Variants in APP observed in about 807,000 individuals in gnomAD.
The protein encoded by APP is amyloid-beta precursor protein.
Under a neutral mutation model 101.4 loss-of-function variants are expected in APP, and 31 were observed. That is an observed-to-expected ratio of 0.31 (90% CI 0.23 to 0.41). The LOEUF (loss-of-function observed/expected upper bound fraction) is 0.41, where lower values mean the gene tolerates loss of function less well. Among genes scored for constraint, APP ranks in the 10% least tolerant of loss-of-function variants. APP has a pLI of 1.00. For synonymous variants in APP, 366 were observed against 364.4 expected (o/e 1.00, Z -0.05); for missense variants, 839 against 1,003.7 (o/e 0.84, Z 2.22).
intron 1 of APP, among the ~76,000 whole-genome samples, chr21:26,157,582 C>A (rs111847117): frequency 6.6e-6 from 1 of 152,184 alleles, no homozygotes; most frequent in African/African-American, 2.4e-5. Context: ...AATACTCTAA[C>A]AATGATGATT....
intron 1 of APP, among the ~76,000 whole-genome samples, chr21:26,136,580 A>T (rs1291457810): frequency 6.6e-6 from 1 of 152,254 alleles, no homozygotes; most frequent in East Asian, 1.9e-4. Flanking sequence ...AAATAATCTA[A>T]AAATATGGAT....
chr21:25,965,093 A>G (rs756947756), intron 11 of APP, among the ~76,000 whole-genome samples: 3 of 152,244 alleles, frequency 2.0e-5, no homozygotes, highest in African/African-American at 4.8e-5. Flanking sequence ...ATGGATAAAG[A>G]GCTAAGATCT....
At chr21:26,108,757 G>A (rs1303721362) in intron 2 of APP, among the ~76,000 whole-genome samples, 2 of 151,986 alleles carry the variant, frequency 1.3e-5, no homozygotes, top group East Asian at 1.9e-4. Context: ...GGTGGCAGGC[G>A]CCTATAATCC....
chr21:26,101,010 C>T (rs550076299), intron 2 of APP, among the ~76,000 whole-genome samples: 5 of 152,046 alleles, frequency 3.3e-5, no homozygotes, highest in Non-Finnish European at 5.9e-5. Context: ...TAGACCCTAG[C>T]CCCTAGCTCC....
intron 5 of APP, among the ~76,000 whole-genome samples, chr21:26,050,797 T>C (rs1318406020): frequency 6.6e-6 from 1 of 152,220 alleles, no homozygotes; most frequent in East Asian, 1.9e-4. Context: ...TAGTTAAAAT[T>C]AACTCTGTGA....
chr21:26,145,577 C>G (rs2063137275), intron 1 of APP, among the ~76,000 whole-genome samples: 1 of 152,028 alleles, frequency 6.6e-6, no homozygotes, highest in Non-Finnish European at 1.5e-5. Flanking sequence ...CTGTCCATGG[C>G]TGGGTGTTGG....
chr21:26,112,982 AC>A (rs2062361705), intron 1 of APP, among the ~76,000 whole-genome samples: 1 of 152,202 alleles, frequency 6.6e-6, no homozygotes, highest in South Asian at 2.1e-4. Context: ...CATTACCTTT[AC>A]AAAAATATTT....
At chr21:25,979,107 A>T (rs1376222989) in intron 9 of APP, among the ~76,000 whole-genome samples, 1 of 152,188 alleles carries the variant, frequency 6.6e-6, no homozygotes, top group African/African-American at 2.4e-5. Context: ...GCTAGTCACG[A>T]CATATAGCAA....
intron 5 of APP, among the ~76,000 whole-genome samples, chr21:26,048,775 C>T (rs1039941239): frequency 6.7e-6 from 1 of 149,638 alleles, no homozygotes; most frequent in Non-Finnish European, 1.5e-5. Context: ...CTTGTAAAGG[C>T]TGCATCTTTT....
At chr21:25,944,483 C>G (rs2040719321) in intron 13 of APP, among the ~76,000 whole-genome samples, 1 of 152,172 alleles carries the variant, frequency 6.6e-6, no homozygotes, top group Non-Finnish European at 1.5e-5. Context: ...AATAATGGCA[C>G]TTACTCAGAA....
At chr21:26,021,788 T>TA (rs1239181035) in intron 6 of APP, 52 bp downstream of exon 6, 6 of 1,602,628 alleles carry the variant, frequency 3.7e-6, no homozygotes, top group African/African-American at 1.3e-5. Context: ...ACTCTGGTAT[T>TA]ACGCTTTCTT....
intron 6 of APP, among the ~76,000 whole-genome samples, chr21:26,017,713 T>C (rs1218045841): frequency 6.6e-6 from 1 of 152,200 alleles, no homozygotes; most frequent in Non-Finnish European, 1.5e-5. Context: ...AATCAGAATT[T>C]AGAATTTATG....
intron 1 of APP, among the ~76,000 whole-genome samples, chr21:26,139,365 G>A (rs1029422633): frequency 6.6e-6 from 1 of 151,990 alleles, no homozygotes; most frequent in African/African-American, 2.4e-5. Flanking sequence ...GGATAGAAAG[G>A]GTTATTTCTT....
intron 13 of APP, among the ~76,000 whole-genome samples, chr21:25,946,126 G>A (rs1276733365): frequency 6.6e-6 from 1 of 152,128 alleles, no homozygotes; most frequent in Non-Finnish European, 1.5e-5. Flanking sequence ...AAAACTCTTA[G>A]AAGGTAACAG....
intron 13 of APP, among the ~76,000 whole-genome samples, chr21:25,931,666 A>G (rs886368848): frequency 1.6e-4 from 24 of 152,346 alleles, no homozygotes; most frequent in African/African-American, 5.8e-4. Flanking sequence ...AAGGAAAAAC[A>G]GTGGGCATTT....
intron 2 of APP, among the ~76,000 whole-genome samples, chr21:26,096,011 G>A (rs2061933492): frequency 6.6e-6 from 1 of 152,142 alleles, no homozygotes; most frequent in African/African-American, 2.4e-5. Context: ...AGAAAAATAA[G>A]CTGTCCTCAA....
chr21:26,064,617 G>C (rs1037229542), intron 3 of APP, among the ~76,000 whole-genome samples: 1 of 152,078 alleles, frequency 6.6e-6, no homozygotes, highest in Non-Finnish European at 1.5e-5. Flanking sequence ...TTGGACAGAG[G>C]AACCGCAGCC....
In APP at chr21:25,880,832, T is replaced by C. The variant is rs1372376851; in HGVS notation, c.*838A>G. On this transcript the variant is annotated 3_prime_UTR_variant, in exon 18 of 18. Coordinates refer to ENST00000346798, the MANE Select transcript of APP (RefSeq NM_000484.4). ...TATTTTATTTAATTTATTTATGTAA[T>C]ACAGTGTAGAAAGCGATCATGTCAT... 1 of 152,618 alleles carries C rather than the reference T, an allele frequency of 6.6e-6. No homozygotes were observed. The highest frequency in any genetic ancestry group is 2.4e-5 in the African/African-American group (1 of 41,456). 9.5% of individuals were successfully genotyped at this position (152,618 alleles called of 1,614,324 possible).
intron 3 of APP, among the ~76,000 whole-genome samples, chr21:26,060,528 T>C (rs2046230173): frequency 1.3e-5 from 2 of 152,206 alleles, no homozygotes; most frequent in Non-Finnish European, 1.5e-5. Flanking sequence ...TAAAACGATA[T>C]ATGATCCTAG....
Sources: gnomAD v4.1 joint callset for allele counts (sites outside exome capture counted in the v4.1 genomes callset) on GRCh38, gnomAD v4.1.1 for gene constraint, MANE v1.5 for transcripts, NCBI Gene and HGNC (gene_info 2026-07-23, HGNC 2026-07-21) for gene names.